Variants in CTNNA3 observed in about 807,000 individuals in gnomAD.
The protein encoded by CTNNA3 is catenin alpha 3.
CTNNA3 carries 76 observed loss-of-function variants against 95.7 expected under a neutral mutation model. The ratio of observed to expected loss-of-function variants is 0.79; its 90% CI spans 0.66 to 0.96. The LOEUF is 0.96. Ranked by LOEUF, CTNNA3 falls within the 40% of genes least tolerant of loss-of-function variation. CTNNA3 has a pLI of 0.00. For missense variants in CTNNA3, 1,191 were observed against 1,089.8 expected (o/e 1.09, Z -1.31); for synonymous variants, 431 against 374.4 (o/e 1.15, Z -1.74).
intron 7 of CTNNA3, among the ~76,000 whole-genome samples, chr10:67,096,212 T>G (rs1857983886): frequency 6.6e-6 from 1 of 151,808 alleles, no homozygotes; most frequent in Non-Finnish European, 1.5e-5. Flanking sequence ...ATTTTTTATT[T>G]TTTTGATTAC....
chr10:66,669,557 A>G lies in CTNNA3; in HGVS notation c.1282-47773T>C, dbSNP rs552148024. ...ACTTTTGTCAAAAAAAAAGAAAAAA[A>G]GAAAAAGAAATCTAAAGTTAAAAAA... On this transcript the variant is annotated intron_variant, in intron 9 of 17. Coordinates refer to ENST00000433211, the MANE Select transcript of CTNNA3 (RefSeq NM_013266.4). Among the ~76,000 whole-genome samples the G allele has an allele frequency of 1.3e-3, 200 of 152,260 alleles. 1 individual carries two copies. Among genetic ancestry groups the G allele is most frequent in the African/African-American group, 4.7e-3 (196 of 41,556 alleles).
At chr10:66,368,076 CCAT>C (rs764357197) in intron 12 of CTNNA3, among the ~76,000 whole-genome samples, 6 of 151,284 alleles carry the variant, frequency 4.0e-5, no homozygotes, top group Non-Finnish European at 8.8e-5. Context: ...TCTGTTTTTC[CCAT>C]CTCTTGTTTA....
intron 1 of CTNNA3, among the ~76,000 whole-genome samples, chr10:67,690,288 A>G (rs1489542624): frequency 6.6e-6 from 1 of 152,160 alleles, no homozygotes; most frequent in Admixed American, 6.5e-5. Context: ...GGTGAGTGTT[A>G]CAGCTCATAA....
At chr10:66,060,494 T>A (rs2080172335) in intron 15 of CTNNA3, among the ~76,000 whole-genome samples, 1 of 152,010 alleles carries the variant, frequency 6.6e-6, no homozygotes, top group African/African-American at 2.4e-5. Flanking sequence ...GAATGGAAGA[T>A]AAAATAACAG....
At chr10:66,579,690 T>A (rs1426060286) in intron 10 of CTNNA3, among the ~76,000 whole-genome samples, 1 of 151,810 alleles carries the variant, frequency 6.6e-6, no homozygotes, top group Non-Finnish European at 1.5e-5. Flanking sequence ...ATTTTATTGT[T>A]CCTTCATCTC....
intron 7 of CTNNA3, among the ~76,000 whole-genome samples, chr10:66,867,824 C>A (rs141058636): frequency 1.3e-5 from 2 of 149,600 alleles, no homozygotes; most frequent in East Asian, 2.0e-4. Flanking sequence ...AGAATAGTTC[C>A]AATTGTCATT....
chr10:67,151,902 T>C (rs1345876461), intron 7 of CTNNA3, among the ~76,000 whole-genome samples: 1 of 152,226 alleles, frequency 6.6e-6, no homozygotes, highest in Non-Finnish European at 1.5e-5. Context: ...GGGGATAACA[T>C]GCTGTGTCAT....
At chr10:66,711,389 G>T (rs530862716) in intron 9 of CTNNA3, among the ~76,000 whole-genome samples, 18 of 151,656 alleles carry the variant, frequency 1.2e-4, no homozygotes, top group Admixed American at 1.1e-3. Context: ...TGAAATATAT[G>T]AATTTAAGTA....
chr10:65,922,645 C>CT (rs531109109), intron 17 of CTNNA3, among the ~76,000 whole-genome samples: 6 of 152,146 alleles, frequency 3.9e-5, no homozygotes, highest in Non-Finnish European at 8.8e-5. Flanking sequence ...ATTAACCAAA[C>CT]TTTTTTTTCT....
chr10:67,151,252 C>A (rs1050345169), intron 7 of CTNNA3, among the ~76,000 whole-genome samples: 2 of 151,958 alleles, frequency 1.3e-5, no homozygotes, highest in African/African-American at 2.4e-5. Flanking sequence ...TGTCAATATG[C>A]CTTTTTGTTT....
intron 9 of CTNNA3, among the ~76,000 whole-genome samples, chr10:66,634,289 C>T (rs1484468682): frequency 4.6e-5 from 7 of 151,958 alleles, no homozygotes; most frequent in Admixed American, 3.9e-4. Flanking sequence ...AATAAGGTTT[C>T]CAGAAAATAC....
At chr10:66,250,970 C>G (rs1262815652) in intron 13 of CTNNA3, among the ~76,000 whole-genome samples, 2 of 152,172 alleles carry the variant, frequency 1.3e-5, no homozygotes, top group Admixed American at 1.3e-4. Context: ...ACTGTATGTT[C>G]TATACCTCTC....
At chr10:67,382,028 CA>C (rs1354357243) in intron 5 of CTNNA3, among the ~76,000 whole-genome samples, 1 of 152,112 alleles carries the variant, frequency 6.6e-6, no homozygotes, top group Non-Finnish European at 1.5e-5. Context: ...AATAGATAAT[CA>C]AAAAGATTTT....
rs1045738359 is a variant in CTNNA3, at chr10:66,458,041, T to A, written c.1531+62576A>T. ...AACTTAGATCAGCTGTAGTTAAGCC[T>A]TGGCCAAATAGCCTCTCTAGAGACA... On this transcript the variant is annotated intron_variant, in intron 11 of 17. Transcript: ENST00000433211. Among the ~76,000 whole-genome samples the A allele has an allele frequency of 3.3e-5, 5 of 152,166 alleles. No homozygotes were observed. In the East Asian group the frequency reaches 9.6e-4, roughly 29 times the overall value.
intron 3 of CTNNA3, among the ~76,000 whole-genome samples, chr10:67,545,575 G>C (rs1034975629): frequency 2.6e-5 from 4 of 152,038 alleles, no homozygotes; most frequent in Admixed American, 6.6e-5. Context: ...GTTAAGTTGG[G>C]TATGGAAGGA....
intron 7 of CTNNA3, among the ~76,000 whole-genome samples, chr10:66,910,706 G>A (rs1564760243): frequency 6.6e-6 from 1 of 152,212 alleles, no homozygotes; most frequent in Non-Finnish European, 1.5e-5. Flanking sequence ...CACAAGACAG[G>A]TGACGTGGAG....
intron 11 of CTNNA3, among the ~76,000 whole-genome samples, chr10:66,398,842 CA>C (rs1210916318): frequency 6.6e-6 from 1 of 151,984 alleles, no homozygotes; most frequent in Non-Finnish European, 1.5e-5. Context: ...ACCATCTAAT[CA>C]AACCATCTTG....
At chr10:66,134,506 T>C (rs1342321392) in intron 13 of CTNNA3, among the ~76,000 whole-genome samples, 3 of 152,116 alleles carry the variant, frequency 2.0e-5, no homozygotes, top group Non-Finnish European at 2.9e-5. Flanking sequence ...TAATTAGAAG[T>C]GATATTCAAG....
chr10:67,698,621 T>C (rs1028037540), upstream of CTNNA3, among the ~76,000 whole-genome samples: 6 of 152,176 alleles, frequency 3.9e-5, no homozygotes, highest in African/African-American at 1.4e-4. Flanking sequence ...CCATAATATC[T>C]CAAAATACTG....
Sources: allele counts gnomAD v4.1 joint callset (sites outside exome capture counted in the v4.1 genomes callset), GRCh38; gene constraint gnomAD v4.1.1; transcripts MANE v1.5; gene names NCBI Gene and HGNC (gene_info 2026-07-23, HGNC 2026-07-21).